The following ANXA7 variants were observed in gnomAD, a reference collection of about 807,000 sequenced individuals.
ANXA7 encodes annexin A7.
In ANXA7, 55 loss-of-function variants were observed where a neutral mutation model predicts 64.9. The ratio of observed to expected loss-of-function variants is 0.85; its 90% CI spans 0.68 to 1.06. The LOEUF (loss-of-function observed/expected upper bound fraction) is 1.06, where lower values mean the gene tolerates loss of function less well. Among genes scored for constraint, ANXA7 ranks in the 50% least tolerant of loss-of-function variants. The pLI is 0.00. For synonymous variants in ANXA7, 200 were observed against 192.4 expected, an observed-to-expected ratio of 1.04 and a Z score of -0.33; for missense variants, 548 against 582.1, an observed-to-expected ratio of 0.94 and a Z score of 0.60.
At chr10:73,379,256 CAG>C (rs1033372009) in intron 11 of ANXA7, among the ~76,000 whole-genome samples, 3 of 152,136 alleles carry the variant, frequency 2.0e-5, no homozygotes, top group Admixed American at 6.5e-5. Flanking sequence ...TGTAGCCTCC[CAG>C]ACTCAGGTGA....
In ANXA7 at chr10:73,398,305, G is replaced by A. The variant is rs773991859; in HGVS notation, c.135C>T (p.Ala45=). 2.5e-6 allele frequency: 4 copies of A among 1,613,992 alleles called. No individual in the cohort carries two copies. The highest frequency in any genetic ancestry group is 2.2e-5 in the East Asian group (1 of 44,898). Reference sequence around the variant, plus strand: ...AGCCACTACTTGGCACTTGTGGGTAGGCACCTCCTCCCATTGGAGGAAAGC... The same window carrying A: ...AGCCACTACTTGGCACTTGTGGGTAAGCACCTCCTCCCATTGGAGGAAAGC... ...PSGFPPMGGG[A]YPQVPSSGYP... is the part of the protein sequence containing the mutation. The change falls in exon 3 of 13, where the codon GCC becomes GCT. Residue 45 remains alanine, a synonymous_variant. Coordinates refer to ENST00000372921, the MANE Select transcript of ANXA7 (RefSeq NM_001156.5).
At chr10:73,385,756 A>C (rs892225499) in intron 7 of ANXA7, among the ~76,000 whole-genome samples, 1 of 152,150 alleles carries the variant, frequency 6.6e-6, no homozygotes, top group African/African-American at 2.4e-5. Flanking sequence ...TTGAAGCTTA[A>C]GGAGATCTAG....
In ANXA7 at chr10:73,400,865, A is replaced by G. The variant is rs2055650914; in HGVS notation, c.-1-8T>C. ...TAGCCTGGGTATGACATTCTGTAACAACAATAAAAAATGTCCTCTGTAAGT... is the reference window on the plus strand; with the variant it reads ...TAGCCTGGGTATGACATTCTGTAACGACAATAAAAAATGTCCTCTGTAAGT... On this transcript the variant is annotated splice_polypyrimidine_tract_variant and splice_region_variant and intron_variant, in intron 1 of 12. Coordinates refer to ENST00000372921, the MANE Select transcript of ANXA7 (RefSeq NM_001156.5). 2 of 1,589,058 alleles carry G rather than the reference A, an allele frequency of 1.3e-6. No individual in the cohort carries two copies. Among genetic ancestry groups the G allele is most frequent in the South Asian group, 2.3e-5 (2 of 87,540 alleles).
At position 73,388,344 on chromosome 10, in the gene ANXA7, G is replaced by C. The variant is rs1293732715; in HGVS notation, c.506C>G (p.Ala169Gly). ...PAANFDAIRD[A>G]EILRKAMKGF... ...CTTCATTGCCTTACGAAGAATTTCT[G>C]CATCTCTTATAGCATCGAAGTTGGC... is the stretch of plus-strand genomic sequence containing the variant. Residue 169 changes from alanine (A) to glycine (G), a missense_variant, in exon 6 of 13, where the codon GCA (alanine) becomes GGA (glycine). Ala to Gly is a moderately conservative substitution (Grantham distance 60). Transcript: ENST00000372921. 1 of 1,613,926 alleles carries C rather than the reference G, an allele frequency of 6.2e-7. No individual in the cohort carries two copies. The highest frequency in any genetic ancestry group is 1.7e-5 in the Admixed American group (1 of 60,010).
At chr10:73,391,759 A>G in intron 5 of ANXA7, among the ~76,000 whole-genome samples, 1 of 152,198 alleles carries the variant, frequency 6.6e-6, no homozygotes, top group East Asian at 1.9e-4. Context: ...ACACACAGAC[A>G]CATCCATACT....
In ANXA7 at chr10:73,397,201, CTG is replaced by C; in HGVS notation, c.331_332del (p.Gln111ValfsTer33). 1 of 1,612,058 alleles carries C rather than the reference CTG, an allele frequency of 6.2e-7. No individual in the cohort carries two copies. Among genetic ancestry groups the C allele is most frequent in the Non-Finnish European group, 8.5e-7 (1 of 1,178,778 alleles). On this transcript the variant is annotated frameshift_variant, in exon 4 of 13. Coordinates refer to ENST00000372921, the MANE Select transcript of ANXA7 (RefSeq NM_001156.5). LOFTEE classifies it high-confidence loss of function. The part of the protein sequence containing the change: ...GFSGYPQPPS[Q>X]SYGGGPAQVP... ...CCTGTGCTGGACCACCTCCATAAGACTGTGAAGGTGGCTGTGGATACCCAGAA... is the reference window on the plus strand; with the variant it reads ...CCTGTGCTGGACCACCTCCATAAGACTGAAGGTGGCTGTGGATACCCAGAA...
chr10:73,405,566 A>G (rs1046654572), intron 1 of ANXA7, among the ~76,000 whole-genome samples: 29 of 152,188 alleles, frequency 1.9e-4, no homozygotes, highest in African/African-American at 6.8e-4. Context: ...CTAAAATACT[A>G]TTAGTGATCA....
intron 5 of ANXA7, among the ~76,000 whole-genome samples, chr10:73,393,385 G>C (rs1290396143): frequency 6.6e-6 from 1 of 152,130 alleles, no homozygotes; most frequent in Non-Finnish European, 1.5e-5. Context: ...AACCAAAAAA[G>C]AGCCCACATT....
At chr10:73,377,183 T>C (rs2055183433) in intron 12 of ANXA7, among the ~76,000 whole-genome samples, 1 of 152,218 alleles carries the variant, frequency 6.6e-6, no homozygotes, top group South Asian at 2.1e-4. Flanking sequence ...TAAAACATCC[T>C]GCTTTGAAAA....
chr10:73,391,166 C>G (rs1296717666), intron 5 of ANXA7, among the ~76,000 whole-genome samples: 1 of 138,508 alleles, frequency 7.2e-6, no homozygotes, highest in Admixed American at 7.1e-5. Flanking sequence ...GAGACTCTGT[C>G]TCTTAAAAAA....
In ANXA7 at chr10:73,394,431, A is replaced by G. The variant is rs537431441; in HGVS notation, c.435+2088T>C. ...GCACACGTATGTTTATTGCAGCACT[A>G]TTCACAATAGCAAAGACTTGGAACC... On this transcript the variant is annotated intron_variant, in intron 5 of 12. Transcript: ENST00000372921. Among the ~76,000 whole-genome samples the G allele has an allele frequency of 2.6e-3, 393 of 152,322 alleles. 1 individual carries two copies. Among genetic ancestry groups the G allele is most frequent in the African/African-American group, 9.0e-3 (373 of 41,568 alleles).
rs370540530 is a variant in ANXA7 at position 73,400,324 on chromosome 10, G to A, written c.54+479C>T. Among the ~76,000 whole-genome samples the A allele has an allele frequency of 6.6e-5, 10 of 152,090 alleles. No homozygotes were observed. The South Asian group carries it at 1.7e-3, about 25-fold the overall frequency. On this transcript the variant is annotated intron_variant, in intron 2 of 12. Coordinates refer to ENST00000372921, the MANE Select transcript of ANXA7 (RefSeq NM_001156.5). ...ATTTATCTCTGGGTCTAGCCAAGCC[G>A]TTAATTATTTTAAACATTCTAACAC...
intron 5 of ANXA7, chr10:73,395,937 T>C (rs2132680245): frequency 1.3e-6 from 1 of 768,004 alleles, no homozygotes; most frequent in Non-Finnish European, 2.4e-6. Context: ...ATAAAATAGA[T>C]ACAGGTGAGC....
intron 1 of ANXA7, among the ~76,000 whole-genome samples, chr10:73,413,783 G>A (rs573337659): frequency 6.6e-6 from 1 of 152,086 alleles, no homozygotes; most frequent in Non-Finnish European, 1.5e-5. Flanking sequence ...CCAAACGGAC[G>A]GAAGGGCTTC....
chr10:73,395,830 G>A, intron 5 of ANXA7: 4 of 623,102 alleles, frequency 6.4e-6, no homozygotes, highest in South Asian at 1.5e-5. Flanking sequence ...GCAAATATTT[G>A]ACATATAGGA....
At chr10:73,395,136 G>C (rs1354236291) in intron 5 of ANXA7, among the ~76,000 whole-genome samples, 1 of 152,198 alleles carries the variant, frequency 6.6e-6, no homozygotes, top group Admixed American at 6.5e-5. Flanking sequence ...ATAAGAGAGA[G>C]ACCGCTGGTC....
At chr10:73,400,281 A>C (rs1244994516) in intron 2 of ANXA7, among the ~76,000 whole-genome samples, 1 of 152,192 alleles carries the variant, frequency 6.6e-6, no homozygotes, top group African/African-American at 2.4e-5. Flanking sequence ...CAAGTCTAAG[A>C]ACTACAAATC....
At chr10:73,404,413 AT>A (rs1479358255) in intron 1 of ANXA7, among the ~76,000 whole-genome samples, 1 of 152,188 alleles carries the variant, frequency 6.6e-6, no homozygotes, top group African/African-American at 2.4e-5. Context: ...AGACATTACT[AT>A]TTTTTTGGTG....
Position 73,396,552 on chromosome 10 carries a change from CT to C in ANXA7, c.401del (p.Gln134ArgfsTer16). 6.2e-7 allele frequency: 1 copy of C among 1,611,118 alleles called. No homozygotes were observed. Among genetic ancestry groups the C allele is most frequent in the African/African-American group, 1.3e-5 (1 of 74,872 alleles). On this transcript the variant is annotated frameshift_variant, in exon 5 of 13. Coordinates refer to ENST00000372921, the MANE Select transcript of ANXA7 (RefSeq NM_001156.5). LOFTEE classifies it high-confidence loss of function. Reference sequence around the variant, plus strand: ...GGTAAGTAGGTTGTCCTCCAGGATACTGAGAAGGCATCTGTCCTCCAGGAAA... The same window carrying C: ...GGTAAGTAGGTTGTCCTCCAGGATACGAGAAGGCATCTGTCCTCCAGGAAA... The part of the protein sequence containing the change: ...GGFPGGQMPS[Q>X]YPGGQPTYPS...
Sources: gnomAD v4.1 joint callset for allele counts (sites outside exome capture counted in the v4.1 genomes callset) on GRCh38, gnomAD v4.1.1 for gene constraint, MANE v1.5 for transcripts, NCBI Gene and HGNC (gene_info 2026-07-23, HGNC 2026-07-21) for gene names.